The following ARID4A variants were observed in gnomAD, a reference collection of about 807,000 sequenced individuals.
The protein encoded by ARID4A is AT-rich interaction domain 4A, also known as AT-rich interactive domain-containing protein 4A.
A neutral mutation model predicts 148.6 loss-of-function variants in ARID4A; 39 were observed. That is an observed-to-expected ratio of 0.26 (90% CI 0.20 to 0.34). ARID4A has a LOEUF of 0.34. ARID4A is among the 10% of genes least tolerant of loss of function. The pLI, the probability that ARID4A is intolerant of heterozygous loss-of-function variation, is 1.00. For missense variants in ARID4A, 1,265 were observed against 1,449.1 expected, an observed-to-expected ratio of 0.87 and a Z score of 2.06; for synonymous variants, 475 against 481.2, an observed-to-expected ratio of 0.99 and a Z score of 0.17.
At chr14:58,323,424 A>G (rs2033024476) in intron 7 of ARID4A, 61 bp from the exon 8 acceptor site, 1 of 1,557,164 alleles carries the variant, frequency 6.4e-7, no homozygotes, top group African/African-American at 1.4e-5. Flanking sequence ...TTAAATTCAC[A>G]ATACTCTGTA....
intron 3 of ARID4A, among the ~76,000 whole-genome samples, chr14:58,302,285 G>C (rs1004575513): frequency 4.6e-5 from 7 of 152,198 alleles, no homozygotes; most frequent in African/African-American, 1.7e-4. Flanking sequence ...CCTGAGGTCA[G>C]GAGTTCGAGA....
At position 58,353,640 on chromosome 14, in the gene ARID4A, T is replaced by C. The variant is rs201956780; in HGVS notation, c.1656-18T>C. On this transcript the variant is annotated intron_variant, in intron 16 of 23. Transcript: ENST00000355431. ...ATTAAGTTATTAGTAGCATTATCAGTATTATAACTTACTGCAGGGAAGAAA... is the reference window on the plus strand; with the variant it reads ...ATTAAGTTATTAGTAGCATTATCAGCATTATAACTTACTGCAGGGAAGAAA... 17 of 1,600,468 alleles carry C rather than the reference T, an allele frequency of 1.1e-5. No individual in the cohort carries two copies. Among genetic ancestry groups the C allele is most frequent in the Middle Eastern group, 1.7e-4 (1 of 6,034 alleles).
intron 5 of ARID4A, among the ~76,000 whole-genome samples, chr14:58,307,543 G>A (rs183207568): frequency 7.9e-5 from 12 of 152,352 alleles, no homozygotes; most frequent in African/African-American, 2.9e-4. Flanking sequence ...TAAGTGGCCA[G>A]ATGCAGTGGC....
In ARID4A at chr14:58,365,245, T is replaced by C. The variant is rs560942571; in HGVS notation, c.3156T>C (p.Asn1052=). Residue 1052 remains asparagine (N), a synonymous_variant, in exon 20 of 24, where the codon AAT becomes AAC. Coordinates refer to ENST00000355431, the MANE Select transcript of ARID4A (RefSeq NM_002892.4). ...ERESANGFET[N]VASGTCSIIV... ...AATCGGCAAATGGATTTGAAACTAATGTTGCCTCTGGTACCTGTAGTATAA... is the reference window on the plus strand; with the variant it reads ...AATCGGCAAATGGATTTGAAACTAACGTTGCCTCTGGTACCTGTAGTATAA... 3.7e-6 allele frequency: 6 copies of C among 1,613,952 alleles called. No homozygotes were observed. The highest frequency in any genetic ancestry group is 1.7e-5 in the Admixed American group (1 of 59,998).
chr14:58,336,782 A>G (rs1218817767), intron 11 of ARID4A, among the ~76,000 whole-genome samples: 2 of 152,186 alleles, frequency 1.3e-5, no homozygotes, highest in African/African-American at 2.4e-5. Flanking sequence ...AAATATATAC[A>G]TATGAAATCG....
At chr14:58,305,809 T>C (rs2031555212) in intron 4 of ARID4A, among the ~76,000 whole-genome samples, 1 of 152,202 alleles carries the variant, frequency 6.6e-6, no homozygotes, top group Admixed American at 6.5e-5. Flanking sequence ...AAAGTAGGGG[T>C]AATAATAGCT....
intron 17 of ARID4A, among the ~76,000 whole-genome samples, chr14:58,355,744 A>G (rs756774506): frequency 1.3e-5 from 2 of 152,228 alleles, no homozygotes; most frequent in Non-Finnish European, 2.9e-5. Context: ...TTACATTTCC[A>G]GTTGCATCAC....
At chr14:58,301,473 G>C (rs1419864653) in intron 2 of ARID4A, 107 bp from the exon 3 acceptor site, 2 of 651,080 alleles carry the variant, frequency 3.1e-6, no homozygotes, top group East Asian at 5.9e-5. Context: ...TAATAAGCAA[G>C]TCATTTTAAT....
chr14:58,360,697 A>G (rs767222940), intron 18 of ARID4A, among the ~76,000 whole-genome samples: 2 of 152,210 alleles, frequency 1.3e-5, no homozygotes, highest in East Asian at 1.9e-4. Context: ...TTATATACCA[A>G]TTTCCGTGAC....
At chr14:58,299,912 C>A (rs760443704) in intron 2 of ARID4A, 52 bp downstream of exon 2, 1 of 1,610,778 alleles carries the variant, frequency 6.2e-7, no homozygotes, top group Non-Finnish European at 8.5e-7. Flanking sequence ...ACTGCCAATC[C>A]TAAGGCTAGT....
At chr14:58,326,389 A>G (rs1190144432) in intron 8 of ARID4A, among the ~76,000 whole-genome samples, 1 of 152,182 alleles carries the variant, frequency 6.6e-6, no homozygotes, top group East Asian at 1.9e-4. Context: ...GTGAGCTGAG[A>G]TCGCGCCACT....
intron 11 of ARID4A, among the ~76,000 whole-genome samples, chr14:58,336,671 G>A (rs1273553814): frequency 2.0e-5 from 3 of 152,008 alleles, no homozygotes; most frequent in Non-Finnish European, 2.9e-5. Context: ...AGATAACCAC[G>A]CCAAATAATG....
intron 7 of ARID4A, among the ~76,000 whole-genome samples, chr14:58,319,521 CTTTTTTTTTTTTTTT>C (rs71107934): frequency 3.4e-3 from 211 of 62,026 alleles, no homozygotes; most frequent in African/African-American, 0.013. Context: ...TCTATATACT[CTTTTTTTTTTTTTTT>C]TTTTTTTTTT....
intron 5 of ARID4A, among the ~76,000 whole-genome samples, chr14:58,306,338 A>G (rs565170385): frequency 8.5e-5 from 13 of 152,316 alleles, no homozygotes; most frequent in African/African-American, 3.1e-4. Context: ...ATGTACTTCT[A>G]TTTTAGGTTA....
At chr14:58,316,814 A>G (rs919252721) in intron 5 of ARID4A, among the ~76,000 whole-genome samples, 11 of 151,806 alleles carry the variant, frequency 7.2e-5, no homozygotes, top group Non-Finnish European at 1.5e-4. Context: ...TCCCGACCTC[A>G]GGTGGTCCGC....
chr14:58,352,619 C>T (rs2034689071), intron 16 of ARID4A, among the ~76,000 whole-genome samples: 1 of 152,020 alleles, frequency 6.6e-6, no homozygotes, highest in Admixed American at 6.6e-5. Context: ...TTTACCTTAT[C>T]ACTCTATTAT....
rs1334971426 is a variant in ARID4A at position 58,366,230 on chromosome 14, A to G, written c.3523A>G (p.Asn1175Asp). The G allele has an allele frequency of 6.2e-7, 1 of 1,609,032 alleles. No individual in the cohort carries two copies. The highest frequency in any genetic ancestry group is 8.5e-7 in the Non-Finnish European group (1 of 1,176,200). The change falls in exon 22 of 24, where the codon AAT becomes GAT. Residue 1175 changes from asparagine (N) to aspartate (D), a missense_variant and splice_region_variant. Physicochemically the swap from Asn to Asp is conservative, Grantham distance 23 (BLOSUM62 1). Around this residue, in one of 9 missense-constraint regions of ARID4A, gnomAD observed 666 missense variants for 730.9 expected, o/e 0.91. Transcript: ENST00000355431. ...PRTYKWSFQL[N>D]ELDNMNSTER... The stretch of plus-strand genomic sequence containing the variant: ...GACATATAAATGGAGCTTTCAGCTC[A>G]GTAAGAAGCTTATAGAAAACTTGAT...
In ARID4A at chr14:58,300,840, A is replaced by G. The variant is rs573848931; in HGVS notation, c.7-740A>G. Among the ~76,000 whole-genome samples the G allele has an allele frequency of 8.4e-4, 128 of 151,618 alleles. 1 individual carries two copies. Among genetic ancestry groups the G allele is most frequent in the African/African-American group, 3.1e-3 (127 of 41,354 alleles). On this transcript the variant is annotated intron_variant, in intron 2 of 23. Transcript: ENST00000355431. ...AAAAAAGGTAAAATGACAGATTGAG[A>G]TAGCAATCATCCTGTTACTGTAAAA...
chr14:58,302,376 C>T (rs771910513), intron 3 of ARID4A, among the ~76,000 whole-genome samples: 67 of 152,140 alleles, frequency 4.4e-4, no homozygotes, highest in Non-Finnish European at 5.0e-4. Flanking sequence ...CACCTGTAAT[C>T]CCAGCTGCTC....
Sources: allele counts gnomAD v4.1 joint callset (sites outside exome capture counted in the v4.1 genomes callset), GRCh38; gene constraint gnomAD v4.1.1; regional missense constraint gnomAD v4.1.1; transcripts MANE v1.5; gene names NCBI Gene and HGNC (gene_info 2026-07-23, HGNC 2026-07-21).